Variants in PHC2 observed in about 807,000 individuals in gnomAD.
The protein encoded by PHC2 is polyhomeotic-like protein 2.
Under a neutral mutation model 87.4 loss-of-function variants are expected in PHC2, and 29 were observed. That is an observed-to-expected ratio of 0.33 (90% CI 0.25 to 0.45). The LOEUF is 0.45. PHC2 is among the 20% of genes least tolerant of loss of function. The pLI is 1.00. For synonymous variants in PHC2, 438 were observed against 461.7 expected (o/e 0.95, Z 0.66); for missense variants, 857 against 1,136.7 (o/e 0.75, Z 3.54).
At chr1:33,430,644 G>T (rs1650874778) in intron 1 of PHC2, among the ~76,000 whole-genome samples, 1 of 151,980 alleles carries the variant, frequency 6.6e-6, no homozygotes, top group Non-Finnish European at 1.5e-5. Context: ...TCCGGTTCCC[G>T]TTCCCGGCAA....
chr1:33,400,833 G>A (rs1305399865), intron 1 of PHC2, among the ~76,000 whole-genome samples: 1 of 152,150 alleles, frequency 6.6e-6, no homozygotes, highest in Non-Finnish European at 1.5e-5. Flanking sequence ...ATTATTAACT[G>A]AAAAGATCCA....
chr1:33,352,822 C>CT (rs576712818), intron 9 of PHC2, among the ~76,000 whole-genome samples: 89 of 152,298 alleles, frequency 5.8e-4, no homozygotes, highest in Non-Finnish European at 9.3e-4. Context: ...CCGTAGGAGT[C>CT]AGAGTCATGG....
chr1:33,386,389 G>A (rs550974699), intron 1 of PHC2, among the ~76,000 whole-genome samples: 5 of 151,688 alleles, frequency 3.3e-5, no homozygotes, highest in South Asian at 2.1e-4. Flanking sequence ...GGTAGTGGGC[G>A]CCTATAATCA....
chr1:33,375,509 A>T lies in PHC2; in HGVS notation c.31T>A (p.Ser11Thr), dbSNP rs747806840. 1 of 1,601,850 alleles carries T rather than the reference A, an allele frequency of 6.2e-7. No individual in the cohort carries two copies. Among genetic ancestry groups the T allele is most frequent in the Non-Finnish European group, 8.5e-7 (1 of 1,173,858 alleles). The change falls in exon 2 of 15, where the codon TCT (serine) becomes ACT (threonine). Residue 11 changes from serine to threonine, a missense_variant. Physicochemically the swap from Ser to Thr is moderately conservative, Grantham distance 58 (BLOSUM62 1). Coordinates refer to ENST00000683057, the MANE Select transcript of PHC2 (RefSeq NM_001385109.1). MENELPVPHTSSSACATSSTS... is the reference protein window; with the variant it reads MENELPVPHTTSSACATSSTS... ...CTGCTGGTGGCACAGGCACTGCTAG[A>T]TGTATGTGGGACTGGCAGCTCATTC...
At chr1:33,386,021 T>C (rs1301066997) in intron 1 of PHC2, among the ~76,000 whole-genome samples, 1 of 151,698 alleles carries the variant, frequency 6.6e-6, no homozygotes, top group African/African-American at 2.4e-5. Context: ...GGTTTTGAAC[T>C]CCTGGCCTCA....
intron 9 of PHC2, among the ~76,000 whole-genome samples, chr1:33,335,728 T>G (rs1465165064): frequency 6.6e-6 from 1 of 152,122 alleles, no homozygotes; most frequent in East Asian, 1.9e-4. Flanking sequence ...GGTGAAACCC[T>G]GTCTCTACTA....
chr1:33,355,575 C>T (rs1432675824), intron 7 of PHC2, among the ~76,000 whole-genome samples: 1 of 152,226 alleles, frequency 6.6e-6, no homozygotes, highest in Non-Finnish European at 1.5e-5. Context: ...CAGAGAAATA[C>T]TGGATTCTAA....
At chr1:33,370,992 G>A (rs1227089742) in intron 4 of PHC2, 25 bp downstream of exon 4, 10 of 1,600,342 alleles carry the variant, frequency 6.2e-6, no homozygotes, top group African/African-American at 2.7e-5. Flanking sequence ...TGTGGACTCT[G>A]CTGCTGCTCC....
intron 9 of PHC2, among the ~76,000 whole-genome samples, chr1:33,342,265 G>C (rs779767221): frequency 6.6e-6 from 1 of 152,198 alleles, no homozygotes; most frequent in South Asian, 2.1e-4. Flanking sequence ...GAGCTTACTG[G>C]ATTTTAAGCA....
At chr1:33,419,722 G>C (rs948745679) in intron 1 of PHC2, among the ~76,000 whole-genome samples, 9 of 152,126 alleles carry the variant, frequency 5.9e-5, no homozygotes, top group Non-Finnish European at 1.0e-4. Context: ...CCATTCTCCT[G>C]CCTCAGCCTC....
intron 14 of PHC2, among the ~76,000 whole-genome samples, chr1:33,326,682 A>C (rs1351487681): frequency 6.6e-6 from 1 of 152,220 alleles, no homozygotes; most frequent in Non-Finnish European, 1.5e-5. Flanking sequence ...GGCCGGGCGC[A>C]GTGGCTCACG....
intron 9 of PHC2, among the ~76,000 whole-genome samples, chr1:33,351,398 T>C (rs1236779035): frequency 6.6e-6 from 1 of 152,266 alleles, no homozygotes; most frequent in Non-Finnish European, 1.5e-5. Context: ...ACCTCTGCTC[T>C]AGAACAATGC....
At chr1:33,389,768 T>C (rs1648956721) in intron 1 of PHC2, among the ~76,000 whole-genome samples, 1 of 152,240 alleles carries the variant, frequency 6.6e-6, no homozygotes, top group South Asian at 2.1e-4. Flanking sequence ...GTATTTGGAA[T>C]GTTCTATTCC....
In PHC2 at chr1:33,368,950, T is replaced by C. The variant is rs762619404; in HGVS notation, c.577-328A>G. On this transcript the variant is annotated intron_variant, in intron 5 of 14. Transcript: ENST00000683057. This position sits in a 1 kb window ranked among gnomAD's most constrained non-coding sequence, Gnocchi z 6.6. ...TTCAGAACCCTCTGTGAGGGGCTCA[T>C]CCTAGAGGAGACCGATATCCCCAGG... 1.2e-4 allele frequency among the ~76,000 whole-genome samples: 19 copies of C among 152,080 alleles called. No individual in the cohort carries two copies. The highest frequency in any genetic ancestry group is 2.5e-4 in the Non-Finnish European group (17 of 67,986).
At chr1:33,425,640 T>G (rs1292073521) in intron 1 of PHC2, among the ~76,000 whole-genome samples, 3 of 152,174 alleles carry the variant, frequency 2.0e-5, no homozygotes, top group Non-Finnish European at 4.4e-5. Flanking sequence ...AATTGAGTCT[T>G]AAAAGATAAG....
At chr1:33,347,125 T>TGTGC (rs1646859492) in intron 9 of PHC2, 2 of 985,300 alleles carry the variant, frequency 2.0e-6, no homozygotes. Context: ...AAAGAGTGGA[T>TGTGC]TCTGGGGCTG....
Position 33,349,734 on chromosome 1 carries a change from C to T in PHC2, c.1558+4667G>A, listed in dbSNP as rs1646924466. The T allele has an allele frequency of 1.0e-6, 1 of 995,036 alleles. No homozygotes were observed. The highest frequency in any genetic ancestry group is 1.8e-5 in the African/African-American group (1 of 56,816). The allele number at this position is 995,036 out of a possible 1,614,324, so 61.6% of individuals were successfully genotyped here. A position where few individuals can be genotyped will look rare whatever the true frequency, so the allele number is the denominator to read the frequency against. ...CCTCCGAGCCGGGGCCCGGGGCTGCCGCGGCGCATCCGACCGCACCGGCCT... is the reference window on the plus strand; with the variant it reads ...CCTCCGAGCCGGGGCCCGGGGCTGCTGCGGCGCATCCGACCGCACCGGCCT... On this transcript the variant is annotated intron_variant, in intron 9 of 14. Transcript: ENST00000683057. This position sits in a 1 kb window ranked among gnomAD's most constrained non-coding sequence, Gnocchi z 4.2.
chr1:33,417,826 G>A (rs1263395233), intron 1 of PHC2, among the ~76,000 whole-genome samples: 1 of 151,786 alleles, frequency 6.6e-6, no homozygotes, highest in Non-Finnish European at 1.5e-5. Flanking sequence ...ATACATTCTG[G>A]GCCATAAAAT....
intron 9 of PHC2, among the ~76,000 whole-genome samples, chr1:33,344,883 G>A (rs185853373): frequency 0.011 from 1,732 of 152,042 alleles, 23 homozygotes; most frequent in Non-Finnish European, 0.018. Flanking sequence ...ATGAGCCACC[G>A]TGCCTGGTCC....
Sources: allele counts gnomAD v4.1 joint callset (sites outside exome capture counted in the v4.1 genomes callset), GRCh38; gene constraint gnomAD v4.1.1; non-coding constraint Gnocchi (gnomAD v3.1); transcripts MANE v1.5; gene names NCBI Gene and HGNC (gene_info 2026-07-23, HGNC 2026-07-21).